KCNK9: variants seen among roughly 807,000 people sequenced by gnomAD.
KCNK9 encodes potassium channel subfamily K member 9.
Under a neutral mutation model 10.8 loss-of-function variants are expected in KCNK9, and 1 was observed. The ratio of observed to expected loss-of-function variants is 0.09; its 90% confidence interval spans 0.03 to 0.44. The LOEUF (loss-of-function observed/expected upper bound fraction) is 0.44. Among genes scored for constraint, KCNK9 ranks in the 20% least tolerant of loss-of-function variants. The pLI is 0.97. For synonymous variants in KCNK9, 231 were observed against 222.7 expected (o/e 1.04, Z -0.33); for missense variants, 303 against 515.0 (o/e 0.59, Z 3.98).
chr8:139,640,983 T>C (rs1013576634), intron 1 of KCNK9, among the ~76,000 whole-genome samples: 1 of 152,170 alleles, frequency 6.6e-6, no homozygotes, highest in African/African-American at 2.4e-5. Context: ...TTAAGAATTA[T>C]TTTCATATGT....
intron 1 of KCNK9, among the ~76,000 whole-genome samples, chr8:139,647,664 G>A (rs538191629): frequency 5.7e-4 from 87 of 152,302 alleles, no homozygotes; most frequent in African/African-American, 2.0e-3. Context: ...TGGCGGTGAT[G>A]GCAGGGAGGT....
intron 2 of KCNK9, among the ~76,000 whole-genome samples, chr8:139,606,502 A>T (rs912418377): frequency 6.6e-6 from 1 of 152,164 alleles, no homozygotes; most frequent in East Asian, 1.9e-4. Context: ...GTGCCCCATG[A>T]GTATATGCCA....
intron 1 of KCNK9, among the ~76,000 whole-genome samples, chr8:139,675,827 G>T (rs1270186464): frequency 1.3e-5 from 2 of 152,048 alleles, no homozygotes; most frequent in South Asian, 2.1e-4. Flanking sequence ...GACAGAACCT[G>T]TTGGTGTTCA....
chr8:139,703,116 T>C lies in KCNK9; in HGVS notation c.-124A>G. ...CGCCGCCGCCGCCGCCGCCTCCAAG[T>C]TGTAAGCGGCGGCGGCAGCAGCAGC... On this transcript the variant is annotated 5_prime_UTR_variant, in exon 1 of 2. Transcript: ENST00000520439. This position sits in a 1 kb window ranked among gnomAD's most constrained non-coding sequence, Gnocchi z 6.4. 1.4e-6 allele frequency: 1 copy of C among 731,328 alleles called. No homozygotes were observed. The highest frequency in any genetic ancestry group is 1.9e-5 in the African/African-American group (1 of 53,360). 45.3% of individuals were successfully genotyped at this position (731,328 alleles called of 1,614,324 possible).
intron 1 of KCNK9, among the ~76,000 whole-genome samples, chr8:139,631,410 C>T (rs1232985339): frequency 1.3e-5 from 2 of 152,126 alleles, no homozygotes; most frequent in Non-Finnish European, 2.9e-5. Context: ...GAGAAAACGC[C>T]CCCTAGCCCT....
intron 1 of KCNK9, among the ~76,000 whole-genome samples, chr8:139,689,062 A>C (rs1206635025): frequency 6.6e-6 from 1 of 152,212 alleles, no homozygotes; most frequent in Non-Finnish European, 1.5e-5. Flanking sequence ...GGAGATTAGG[A>C]CCACAGACAT....
downstream of KCNK9, among the ~76,000 whole-genome samples, chr8:139,609,245 C>CT (rs1814339429): frequency 1.2e-5 from 1 of 81,900 alleles, no homozygotes; most frequent in Non-Finnish European, 2.5e-5. Context: ...TCTGCCCCCC[C>CT]ACCCCCCCCC....
intron 1 of KCNK9, among the ~76,000 whole-genome samples, chr8:139,632,870 G>A (rs1488156675): frequency 6.6e-6 from 1 of 152,176 alleles, no homozygotes; most frequent in Admixed American, 6.5e-5. Flanking sequence ...TATGCACCTA[G>A]CTCATAACAT....
At chr8:139,656,071 G>T (rs991217817) in intron 1 of KCNK9, among the ~76,000 whole-genome samples, 1 of 152,170 alleles carries the variant, frequency 6.6e-6, no homozygotes, top group Non-Finnish European at 1.5e-5. Context: ...AAACAATTCA[G>T]TACTCCCTCT....
At chr8:139,651,020 T>A (rs1221936458) in intron 1 of KCNK9, among the ~76,000 whole-genome samples, 1 of 152,180 alleles carries the variant, frequency 6.6e-6, no homozygotes, top group Non-Finnish European at 1.5e-5. Context: ...AGTACTGGGC[T>A]GCAGGTCAGG....
intron 1 of KCNK9, among the ~76,000 whole-genome samples, chr8:139,682,102 C>T (rs1341618170): frequency 1.3e-5 from 2 of 152,210 alleles, no homozygotes; most frequent in Admixed American, 6.5e-5. Context: ...CCGAAAGAAG[C>T]CCTCCGAATG....
At chr8:139,656,208 G>A (rs1233780734) in intron 1 of KCNK9, among the ~76,000 whole-genome samples, 1 of 152,116 alleles carries the variant, frequency 6.6e-6, no homozygotes, top group Non-Finnish European at 1.5e-5. Flanking sequence ...CAGCTGTCAG[G>A]CCCTCCCTGC....
In KCNK9 at chr8:139,651,496, A is replaced by G. The variant is rs545437056; in HGVS notation, c.284-32397T>C. Among the ~76,000 whole-genome samples, 11 of 152,274 alleles carry G rather than the reference A, an allele frequency of 7.2e-5. No individual in the cohort carries two copies. The South Asian group carries it at 1.9e-3, about 26-fold the overall frequency. On this transcript the variant is annotated intron_variant, in intron 1 of 1. Transcript: ENST00000520439. ...AATAGAGTGGTGATAGCTCCTAGAC[A>G]TACTGTGAGGGTTTGGAGCATTGTT...
At chr8:139,610,937 C>A (rs1266707600), downstream of KCNK9, among the ~76,000 whole-genome samples, 1 of 152,244 alleles carries the variant, frequency 6.6e-6, no homozygotes, top group East Asian at 1.9e-4. Context: ...TGCTGTCGCA[C>A]CCCTGGGCCT....
At chr8:139,700,492 ACACACACACACACACACGCGCGCGCGCG>A (rs1447882940) in intron 1 of KCNK9, among the ~76,000 whole-genome samples, 12 of 137,240 alleles carry the variant, frequency 8.7e-5, no homozygotes, top group Admixed American at 2.2e-4. Context: ...ACATACACAC[ACACACACACACACACACGCGCGCGCGCG>A]CACACACACA....
In KCNK9 at chr8:139,659,824, T is replaced by A. The variant is rs187039353; in HGVS notation, c.284-40725A>T. ...GGCGTGAGCCACTGCACCCGGCCTA[T>A]TCTTACGAGATAAAGCAAGAGACAG... On this transcript the variant is annotated intron_variant, in intron 1 of 1. Transcript: ENST00000520439. Among the ~76,000 whole-genome samples the A allele has an allele frequency of 1.3e-4, 20 of 152,184 alleles. No individual in the cohort carries two copies. The East Asian group carries it at 1.7e-3, about 13-fold the overall frequency.
At chr8:139,683,310 G>T (rs561419337) in intron 1 of KCNK9, among the ~76,000 whole-genome samples, 9 of 152,228 alleles carry the variant, frequency 5.9e-5, no homozygotes, top group African/African-American at 1.9e-4. Context: ...CCCCACCCCT[G>T]CTGGCAGCTT....
chr8:139,613,606 G>T (rs1276283574), downstream of KCNK9, among the ~76,000 whole-genome samples: 1 of 152,198 alleles, frequency 6.6e-6, no homozygotes, highest in African/African-American at 2.4e-5. Context: ...AAATGCTTTT[G>T]TGGGTCAAAT....
chr8:139,656,609 C>G (rs564999775), intron 1 of KCNK9, among the ~76,000 whole-genome samples: 1 of 152,234 alleles, frequency 6.6e-6, no homozygotes, highest in Non-Finnish European at 1.5e-5. Context: ...AACTGCTTCC[C>G]TGGAAATGAC....
Sources: gnomAD v4.1 joint callset for allele counts (sites outside exome capture counted in the v4.1 genomes callset) on GRCh38, gnomAD v4.1.1 for gene constraint, Gnocchi (gnomAD v3.1) non-coding constraint, MANE v1.5 for transcripts, NCBI Gene and HGNC (gene_info 2026-07-23, HGNC 2026-07-21) for gene names.